The following GIGYF2 variants were observed in gnomAD, a reference collection of about 807,000 sequenced individuals.
GIGYF2 encodes GRB10-interacting GYF protein 2.
In GIGYF2, 25 loss-of-function variants were observed where a neutral mutation model predicts 208.1. That is an observed-to-expected ratio of 0.12 (90% CI 0.09 to 0.17). The LOEUF (loss-of-function observed/expected upper bound fraction) is 0.17. Among genes scored for constraint, GIGYF2 ranks in the 10% least tolerant of loss-of-function variants. GIGYF2 has a pLI of 1.00. For synonymous variants in GIGYF2, 534 were observed against 543.8 expected (o/e 0.98, Z 0.25); for missense variants, 1,302 against 1,579.4 (o/e 0.82, Z 2.98).
intron 17 of GIGYF2, 102 bp from the exon 18 acceptor site, chr2:232,812,289 A>T (rs1359891752): frequency 5.9e-6 from 4 of 675,794 alleles, no homozygotes; most frequent in Non-Finnish European, 1.1e-5. Flanking sequence ...TTTTCTAGCC[A>T]AATAACCTGG....
chr2:232,751,678 T>G (rs1698341229), intron 5 of GIGYF2, among the ~76,000 whole-genome samples: 1 of 152,220 alleles, frequency 6.6e-6, no homozygotes, highest in African/African-American at 2.4e-5. Context: ...AGACTAAATA[T>G]ATCAGAAGAG....
At chr2:232,844,613 G>T (rs772958082) in intron 25 of GIGYF2, 39 bp downstream of exon 25, 29 of 1,422,876 alleles carry the variant, frequency 2.0e-5, no homozygotes, top group Non-Finnish European at 2.6e-5. Context: ...ACCTTGGTTG[G>T]TTGGGAGGTG....
intron 8 of GIGYF2, among the ~76,000 whole-genome samples, chr2:232,782,394 T>C (rs982054677): frequency 2.0e-5 from 3 of 152,158 alleles, no homozygotes; most frequent in African/African-American, 7.2e-5. Flanking sequence ...AAATATTTAG[T>C]AGTAGTCAAC....
chr2:232,768,243 T>C, intron 8 of GIGYF2: 1 of 1,614,112 alleles, frequency 6.2e-7, no homozygotes, highest in Non-Finnish European at 8.5e-7. Flanking sequence ...GCTTTGTCCA[T>C]TGATGTGGAT....
chr2:232,768,076 C>A, intron 8 of GIGYF2: 4 of 998,642 alleles, frequency 4.0e-6, no homozygotes, highest in South Asian at 2.8e-5. Context: ...GGCATGATTA[C>A]CGTGATGTAG....
chr2:232,770,774 T>C (rs1699209475), intron 8 of GIGYF2: 3 of 687,724 alleles, frequency 4.4e-6, no homozygotes, highest in Non-Finnish European at 7.4e-6. Flanking sequence ...AGACATTACC[T>C]GCTATCAATA....
At chr2:232,739,085 G>A (rs557978062) in intron 3 of GIGYF2, among the ~76,000 whole-genome samples, 9 of 152,216 alleles carry the variant, frequency 5.9e-5, no homozygotes, top group South Asian at 2.1e-4. Context: ...TGGGCTGGGC[G>A]TGGTGGCTCA....
chr2:232,783,852 A>AT (rs977085119), intron 8 of GIGYF2, among the ~76,000 whole-genome samples: 2 of 151,450 alleles, frequency 1.3e-5, no homozygotes, highest in African/African-American at 4.9e-5. Context: ...TGCCCAGCTA[A>AT]TTTTTTTTGT....
intron 2 of GIGYF2, among the ~76,000 whole-genome samples, chr2:232,717,502 T>C (rs1295838006): frequency 1.3e-5 from 2 of 152,196 alleles, no homozygotes; most frequent in Non-Finnish European, 2.9e-5. Context: ...AGTCTCCTCT[T>C]CCCATGATGA....
At chr2:232,758,592 G>A (rs915219245) in intron 6 of GIGYF2, among the ~76,000 whole-genome samples, 4 of 152,154 alleles carry the variant, frequency 2.6e-5, no homozygotes, top group Admixed American at 6.5e-5. Context: ...GAAAGCTTTA[G>A]AACCTGATCG....
At chr2:232,790,570 T>C in intron 9 of GIGYF2, 128 bp from the exon 10 acceptor site, 3 of 804,212 alleles carry the variant, frequency 3.7e-6, no homozygotes, top group Non-Finnish European at 6.6e-6. Context: ...TAATGTTCTC[T>C]TTACTAGGTC....
intron 16 of GIGYF2, among the ~76,000 whole-genome samples, chr2:232,810,144 C>T (rs7583593): frequency 1.3e-5 from 2 of 152,196 alleles, no homozygotes; most frequent in African/African-American, 2.4e-5. Context: ...TGTGCCACCA[C>T]GCCCAGCCTA....
At chr2:232,741,304 A>G (rs1256178913) in intron 3 of GIGYF2, among the ~76,000 whole-genome samples, 3 of 152,134 alleles carry the variant, frequency 2.0e-5, no homozygotes, top group Non-Finnish European at 2.9e-5. Flanking sequence ...CAACATGTCA[A>G]TTTTATCTCT....
intron 21 of GIGYF2, among the ~76,000 whole-genome samples, chr2:232,820,303 C>T (rs1701037331): frequency 6.8e-6 from 1 of 147,780 alleles, no homozygotes; most frequent in Admixed American, 7.0e-5. Flanking sequence ...CATAAATCAC[C>T]CAGCAATAAT....
In GIGYF2 at chr2:232,836,381, TAAATATATATAAATATAA is replaced by T. The variant is rs1559160943; in HGVS notation, c.2766+3290_2766+3307del. On this transcript the variant is annotated intron_variant, in intron 22 of 28. Coordinates refer to ENST00000373563, the MANE Select transcript of GIGYF2 (RefSeq NM_001103146.3). ...ATATAAATATAAATATATATAAATA[TAAATATATATAAATATAA>T]ATATATATATAAATAAATTATTCAG... is the stretch of plus-strand genomic sequence containing the variant. Among the ~76,000 whole-genome samples the T allele has an allele frequency of 3.5e-3, 165 of 46,590 alleles. 28 individuals carry two copies. The highest frequency in any genetic ancestry group is 0.014 in the African/African-American group (161 of 11,536). 30.6% of individuals were successfully genotyped at this position (46,590 alleles called of 152,430 possible). A position where few individuals can be genotyped will look rare whatever the true frequency, so the allele number is the denominator to read the frequency against.
chr2:232,816,282 T>C (rs956829963), intron 19 of GIGYF2, among the ~76,000 whole-genome samples: 15 of 152,232 alleles, frequency 9.9e-5, no homozygotes, highest in African/African-American at 3.6e-4. Flanking sequence ...GTCATTGTAA[T>C]GATTTCTAGG....
chr2:232,823,183 G>T (rs1314707087), intron 21 of GIGYF2, among the ~76,000 whole-genome samples: 1 of 151,822 alleles, frequency 6.6e-6, no homozygotes, highest in African/African-American at 2.4e-5. Context: ...AGGTTTGAAG[G>T]TTAAGTCAAC....
chr2:232,822,173 G>GT (rs1432660646), intron 21 of GIGYF2, among the ~76,000 whole-genome samples: 1 of 151,960 alleles, frequency 6.6e-6, no homozygotes, highest in Non-Finnish European at 1.5e-5. Context: ...AGCCTCCTGT[G>GT]GTTATGATAT....
chr2:232,806,494 C>T lies in GIGYF2; in HGVS notation c.1643C>T (p.Pro548Leu). The T allele has an allele frequency of 6.3e-7, 1 of 1,598,552 alleles. No individual in the cohort carries two copies. The highest frequency in any genetic ancestry group is 1.1e-5 in the South Asian group (1 of 90,788). ...YKDPQGEIQG[P>L]FNNQEMAEWF... Reference sequence around the variant, plus strand: ...TGTTTAATTGGTGCTGTTATAGGTCCCTTCAATAATCAGGAGATGGCAGAA... The same window carrying T: ...TGTTTAATTGGTGCTGTTATAGGTCTCTTCAATAATCAGGAGATGGCAGAA... The change falls in exon 15 of 29, where the codon CCC becomes CTC. Residue 548 changes from proline to leucine, a missense_variant. Physicochemically the swap from Pro to Leu is moderately conservative, Grantham distance 98. Around this residue, in one of 8 missense-constraint regions of GIGYF2, gnomAD observed 69 missense variants for 132.8 expected, o/e 0.52. Coordinates refer to ENST00000373563, the MANE Select transcript of GIGYF2 (RefSeq NM_001103146.3). The surrounding 1 kb of genome is among the most constrained non-coding windows in gnomAD (Gnocchi z 4.0).
Sources: allele counts gnomAD v4.1 joint callset (sites outside exome capture counted in the v4.1 genomes callset), GRCh38; gene constraint gnomAD v4.1.1; regional missense constraint gnomAD v4.1.1; non-coding constraint Gnocchi (gnomAD v3.1); transcripts MANE v1.5; gene names NCBI Gene and HGNC (gene_info 2026-07-23, HGNC 2026-07-21).